The following PDE4B variants were observed in gnomAD, a reference collection of about 807,000 sequenced individuals.
PDE4B encodes the protein phosphodiesterase 4B, also known as 3',5'-cyclic-AMP phosphodiesterase 4B.
PDE4B carries 20 observed loss-of-function variants against 82.2 expected under a neutral mutation model. The ratio of observed to expected loss-of-function variants is 0.24; its 90% confidence interval spans 0.17 to 0.35. PDE4B has a LOEUF of 0.35. PDE4B is among the 10% of genes least tolerant of loss of function. PDE4B has a pLI of 1.00. For missense variants in PDE4B, 655 were observed against 907.2 expected (o/e 0.72, Z 3.57); for synonymous variants, 320 against 318.9 (o/e 1.00, Z -0.04).
At chr1:66,106,151 C>G (rs1298098327) in intron 3 of PDE4B, among the ~76,000 whole-genome samples, 1 of 152,090 alleles carries the variant, frequency 6.6e-6, no homozygotes, top group South Asian at 2.1e-4. Context: ...TAGCATGAAG[C>G]ATTGTTGAAT....
At chr1:66,123,902 T>C (rs1465954890) in intron 3 of PDE4B, among the ~76,000 whole-genome samples, 1 of 152,190 alleles carries the variant, frequency 6.6e-6, no homozygotes, top group African/African-American at 2.4e-5. Context: ...TAGGTTATCA[T>C]ATGACAATAA....
chr1:65,970,186 C>T (rs1410742289), intron 3 of PDE4B, among the ~76,000 whole-genome samples: 1 of 150,592 alleles, frequency 6.6e-6, no homozygotes, highest in Non-Finnish European at 1.5e-5. Flanking sequence ...TAATTGTATA[C>T]TAAGAATTTA....
At chr1:65,997,292 A>G (rs1651602734) in intron 3 of PDE4B, among the ~76,000 whole-genome samples, 1 of 152,098 alleles carries the variant, frequency 6.6e-6, no homozygotes, top group Non-Finnish European at 1.5e-5. Flanking sequence ...AGGAGAAAAG[A>G]GGCTTGTATT....
chr1:66,282,257 A>G (rs915863839), intron 7 of PDE4B, among the ~76,000 whole-genome samples: 1 of 152,222 alleles, frequency 6.6e-6, no homozygotes, highest in Non-Finnish European at 1.5e-5. Context: ...AACTGAGCCA[A>G]TAGGGAGGTG....
At chr1:66,280,821 T>A (rs1303701580) in intron 7 of PDE4B, among the ~76,000 whole-genome samples, 1 of 152,146 alleles carries the variant, frequency 6.6e-6, no homozygotes, top group African/African-American at 2.4e-5. Flanking sequence ...GGCTCCTGCC[T>A]CTGGTCTTGA....
intron 3 of PDE4B, among the ~76,000 whole-genome samples, chr1:66,124,842 C>T (rs575912068): frequency 1.2e-3 from 190 of 152,058 alleles, no homozygotes; most frequent in Non-Finnish European, 2.1e-3. Context: ...TTTCCTCCCA[C>T]ATCCCAAAGA....
chr1:66,054,158 G>A (rs56761506), intron 3 of PDE4B, among the ~76,000 whole-genome samples: 2,386 of 152,160 alleles, frequency 0.016, 68 homozygotes, highest in African/African-American at 0.054. Flanking sequence ...TCATGTTGCC[G>A]TGATTTGTAT....
At chr1:66,105,584 G>C (rs976725291) in intron 3 of PDE4B, among the ~76,000 whole-genome samples, 18 of 151,980 alleles carry the variant, frequency 1.2e-4, no homozygotes, top group Admixed American at 2.0e-4. Context: ...ATGGAATGTT[G>C]TTCCATTTGT....
At chr1:66,236,047 C>T (rs1052676225) in intron 3 of PDE4B, among the ~76,000 whole-genome samples, 7 of 152,172 alleles carry the variant, frequency 4.6e-5, no homozygotes, top group Admixed American at 6.5e-5. Flanking sequence ...TAATTTATAT[C>T]GTAAAAAGTA....
chr1:66,077,360 A>G (rs1656488086), intron 3 of PDE4B, among the ~76,000 whole-genome samples: 1 of 152,166 alleles, frequency 6.6e-6, no homozygotes, highest in African/African-American at 2.4e-5. Flanking sequence ...TGTCAACTTA[A>G]TTTAATTCTC....
intron 1 of PDE4B, among the ~76,000 whole-genome samples, chr1:65,865,183 G>A (rs1406501700): frequency 6.6e-6 from 1 of 152,150 alleles, no homozygotes; most frequent in East Asian, 1.9e-4. Flanking sequence ...CACTGTCAGG[G>A]GAAAACCGCC....
intron 3 of PDE4B, among the ~76,000 whole-genome samples, chr1:66,038,101 T>C (rs994038953): frequency 6.6e-6 from 1 of 152,082 alleles, no homozygotes; most frequent in Non-Finnish European, 1.5e-5. Flanking sequence ...AATTGGTACA[T>C]ACTGGTATGG....
At chr1:66,224,219 C>T (rs181804670) in intron 3 of PDE4B, among the ~76,000 whole-genome samples, 1 of 152,296 alleles carries the variant, frequency 6.6e-6, no homozygotes, top group East Asian at 1.9e-4. Context: ...CCACTTCTCG[C>T]TGCTCCCCAT....
At chr1:66,053,524 GAGAT>G (rs1182660419) in intron 3 of PDE4B, among the ~76,000 whole-genome samples, 1 of 152,140 alleles carries the variant, frequency 6.6e-6, no homozygotes, top group South Asian at 2.1e-4. Context: ...GAAACACAGA[GAGAT>G]AGAGTAACCT....
At chr1:66,313,214 C>T (rs1658791051) in intron 7 of PDE4B, among the ~76,000 whole-genome samples, 1 of 152,198 alleles carries the variant, frequency 6.6e-6, no homozygotes, top group Non-Finnish European at 1.5e-5. Flanking sequence ...TCCTTTAAAA[C>T]CGTGCCAATG....
At chr1:65,895,464 C>T (rs1243105781) in intron 1 of PDE4B, among the ~76,000 whole-genome samples, 4 of 148,582 alleles carry the variant, frequency 2.7e-5, no homozygotes, top group Admixed American at 6.8e-5. Context: ...GCAGGAGAAT[C>T]GCTTGAACCC....
At chr1:66,353,427 G>T (rs1376893372) in intron 8 of PDE4B, among the ~76,000 whole-genome samples, 1 of 152,206 alleles carries the variant, frequency 6.6e-6, no homozygotes, top group African/African-American at 2.4e-5. Context: ...CTCCGGGCTT[G>T]GATGCTTGAA....
chr1:65,848,145 A>AT lies in PDE4B; in HGVS notation c.-71+54909dup, dbSNP rs202107438. Among the ~76,000 whole-genome samples, 880 of 146,582 alleles carry AT rather than the reference A, an allele frequency of 6.0e-3. 9 individuals are homozygous for AT. Among genetic ancestry groups the AT allele is most frequent in the African/African-American group, 0.013 (537 of 40,306 alleles). Reference sequence around the variant, plus strand: ...CCCATTTTAAGTGTACAGCTTTATCATTTTTTTTTTTTGAGACGGAGTCTT... The same window carrying AT: ...CCCATTTTAAGTGTACAGCTTTATCATTTTTTTTTTTTTGAGACGGAGTCTT... On this transcript the variant is annotated intron_variant, in intron 1 of 16. Coordinates refer to ENST00000341517, the MANE Select transcript of PDE4B (RefSeq NM_002600.4).
intron 1 of PDE4B, among the ~76,000 whole-genome samples, chr1:65,866,336 T>C (rs919427269): frequency 5.9e-5 from 9 of 152,158 alleles, no homozygotes; most frequent in African/African-American, 1.2e-4. Flanking sequence ...TATGCATCCA[T>C]ATAACATGTA....
Sources: gnomAD v4.1 joint callset for allele counts (sites outside exome capture counted in the v4.1 genomes callset) on GRCh38, gnomAD v4.1.1 for gene constraint, MANE v1.5 for transcripts, NCBI Gene and HGNC (gene_info 2026-07-23, HGNC 2026-07-21) for gene names.